The following DOK6 variants were observed in gnomAD, a reference collection of about 807,000 sequenced individuals.
The protein encoded by DOK6 is downstream of tyrosine kinase 6.
Under a neutral mutation model 44.0 loss-of-function variants are expected in DOK6, and 22 were observed. That is an observed-to-expected ratio of 0.50 (90% CI 0.36 to 0.71). The LOEUF is 0.71. Ranked by LOEUF, DOK6 falls within the 30% of genes least tolerant of loss-of-function variation. DOK6 has a pLI of 0.00. For missense variants in DOK6, 340 were observed against 416.4 expected (o/e 0.82, Z 1.60); for synonymous variants, 166 against 145.5 (o/e 1.14, Z -1.01).
At chr18:69,644,652 G>T (rs1985026323) in intron 3 of DOK6, among the ~76,000 whole-genome samples, 1 of 152,098 alleles carries the variant, frequency 6.6e-6, no homozygotes. Flanking sequence ...TTTGATTACT[G>T]CAGCTAAATT....
chr18:69,636,306 C>G (rs898921616), intron 3 of DOK6, among the ~76,000 whole-genome samples: 1 of 152,144 alleles, frequency 6.6e-6, no homozygotes, highest in African/African-American at 2.4e-5. Context: ...TATTCGGGAT[C>G]AAGCCCTAAC....
At chr18:69,699,871 C>A (rs1376112721) in intron 5 of DOK6, among the ~76,000 whole-genome samples, 6 of 151,918 alleles carry the variant, frequency 3.9e-5, no homozygotes, top group Non-Finnish European at 7.4e-5. Context: ...AAAGACATAC[C>A]CAAGACTGGG....
At chr18:69,514,840 T>TG (rs369277915) in intron 1 of DOK6, among the ~76,000 whole-genome samples, 6 of 119,818 alleles carry the variant, frequency 5.0e-5, no homozygotes, top group African/African-American at 1.8e-4. Context: ...TCCATATATA[T>TG]TTTTTTTTTT....
chr18:69,773,881 A>G (rs1258698332), intron 7 of DOK6, among the ~76,000 whole-genome samples: 2 of 151,544 alleles, frequency 1.3e-5, no homozygotes, highest in African/African-American at 4.8e-5. Context: ...CAAAAATAGA[A>G]TACCATTTGA....
intron 3 of DOK6, among the ~76,000 whole-genome samples, chr18:69,621,582 A>T (rs937990553): frequency 3.3e-5 from 5 of 152,160 alleles, no homozygotes; most frequent in African/African-American, 1.2e-4. Context: ...TTTAAGCTGG[A>T]TAAGCTGGGG....
chr18:69,557,531 T>G (rs980055699), intron 1 of DOK6, among the ~76,000 whole-genome samples: 7 of 152,054 alleles, frequency 4.6e-5, no homozygotes, highest in African/African-American at 1.7e-4. Flanking sequence ...TTTCATCAGA[T>G]GGAAGGGGAT....
intron 5 of DOK6, among the ~76,000 whole-genome samples, chr18:69,701,696 T>C (rs1044260533): frequency 1.3e-5 from 2 of 152,238 alleles, no homozygotes; most frequent in Non-Finnish European, 2.9e-5. Context: ...TGTGTCTCAC[T>C]AACTTTGATA....
chr18:69,586,398 T>C (rs2144613672), intron 2 of DOK6, among the ~76,000 whole-genome samples: 1 of 152,300 alleles, frequency 6.6e-6, no homozygotes, highest in South Asian at 2.1e-4. Flanking sequence ...CAGCCTAGCA[T>C]CTCAGGTTGA....
intron 1 of DOK6, among the ~76,000 whole-genome samples, chr18:69,525,278 C>T (rs1981798806): frequency 6.6e-6 from 1 of 151,738 alleles, no homozygotes; most frequent in African/African-American, 2.4e-5. Context: ...CTATTCTAAA[C>T]ATTTAGATTT....
At chr18:69,770,073 C>A (rs1433244791) in intron 7 of DOK6, among the ~76,000 whole-genome samples, 4 of 152,132 alleles carry the variant, frequency 2.6e-5, no homozygotes, top group African/African-American at 4.8e-5. Flanking sequence ...ACCACAAAAA[C>A]CCCTGAAAGG....
At chr18:69,835,701 C>A (rs974653865) in intron 7 of DOK6, among the ~76,000 whole-genome samples, 7 of 152,186 alleles carry the variant, frequency 4.6e-5, no homozygotes, top group African/African-American at 1.7e-4. Context: ...CTAGGCCCAA[C>A]TGTTAATGCT....
At chr18:69,716,405 A>G (rs968445013) in intron 5 of DOK6, among the ~76,000 whole-genome samples, 9 of 152,250 alleles carry the variant, frequency 5.9e-5, no homozygotes, top group South Asian at 2.1e-4. Flanking sequence ...GTGGCAAACT[A>G]TAAATATGTT....
intron 7 of DOK6, among the ~76,000 whole-genome samples, chr18:69,833,670 G>T (rs140321689): frequency 2.8e-4 from 42 of 151,910 alleles, no homozygotes; most frequent in African/African-American, 9.2e-4. Context: ...ATTTGACTAG[G>T]TATTAATAAC....
chr18:69,552,778 T>G (rs1448449753), intron 1 of DOK6, among the ~76,000 whole-genome samples: 1 of 152,264 alleles, frequency 6.6e-6, no homozygotes, highest in Admixed American at 6.5e-5. Flanking sequence ...ACTAAGCAAC[T>G]GGAAGTGTAC....
chr18:69,651,934 A>G (rs1985239562), intron 3 of DOK6, among the ~76,000 whole-genome samples: 2 of 129,124 alleles, frequency 1.5e-5, no homozygotes, highest in Admixed American at 8.4e-5. Context: ...TTAAAAAGGA[A>G]ACTAATTTAA....
chr18:69,762,692 T>C (rs1019814700), intron 7 of DOK6, among the ~76,000 whole-genome samples: 5 of 152,240 alleles, frequency 3.3e-5, no homozygotes, highest in African/African-American at 2.4e-5. Context: ...GCAGCACATG[T>C]ACTCAAAGTT....
chr18:69,651,833 CA>C (rs908018247), intron 3 of DOK6, among the ~76,000 whole-genome samples: 5 of 152,110 alleles, frequency 3.3e-5, no homozygotes, highest in African/African-American at 9.7e-5. Context: ...CCTTGCAAAG[CA>C]GGCTGTTAAA....
rs1043800534 is a variant in DOK6, at chr18:69,757,830, C to T, written c.813C>T (p.His271=). The T allele has an allele frequency of 2.5e-6, 4 of 1,614,044 alleles. No individual in the cohort carries two copies. The African/African-American group carries it at 5.3e-5, about 22-fold the overall frequency. ...TTCCTCGCAGCGCGTACTGGCATCA[C>T]ATCACTCGTCAGAACAGCGTTGGTG... is the stretch of plus-strand genomic sequence containing the variant. ...ISLPRSAYWH[H]ITRQNSVGEI... The change falls in exon 7 of 8, where the codon CAC becomes CAT. Residue 271 remains histidine (H), a synonymous_variant. Transcript: ENST00000382713.
intron 3 of DOK6, among the ~76,000 whole-genome samples, chr18:69,602,952 G>A (rs1983906990): frequency 6.6e-6 from 1 of 152,124 alleles, no homozygotes; most frequent in South Asian, 2.1e-4. Context: ...TCTCAACAAT[G>A]GAAATGACAA....
Sources: gnomAD v4.1 joint callset for allele counts (sites outside exome capture counted in the v4.1 genomes callset) on GRCh38, gnomAD v4.1.1 for gene constraint, MANE v1.5 for transcripts, NCBI Gene and HGNC (gene_info 2026-07-23, HGNC 2026-07-21) for gene names.